The following FBXO42 variants were observed in gnomAD, a reference collection of about 807,000 sequenced individuals.
FBXO42 encodes F-box protein 42.
Under a neutral mutation model 71.7 loss-of-function variants are expected in FBXO42, and 12 were observed. The observed-to-expected ratio is 0.17, with a 90% CI of 0.11 to 0.27. The LOEUF (loss-of-function observed/expected upper bound fraction) is 0.27. FBXO42 is among the 10% of genes least tolerant of loss of function. The pLI is 1.00. For synonymous variants in FBXO42, 325 were observed against 327.5 expected, an observed-to-expected ratio of 0.99 and a Z score of 0.08; for missense variants, 707 against 911.9, an observed-to-expected ratio of 0.78 and a Z score of 2.89.
intron 4 of FBXO42, among the ~76,000 whole-genome samples, chr1:16,276,677 T>C (rs566735403): frequency 6.6e-6 from 1 of 152,230 alleles, no homozygotes; most frequent in Non-Finnish European, 1.5e-5. Context: ...TAAGGCATCA[T>C]ATGAAATGAA....
chr1:16,319,689 G>C (rs2082396842), intron 1 of FBXO42, among the ~76,000 whole-genome samples: 3 of 152,078 alleles, frequency 2.0e-5, no homozygotes, highest in African/African-American at 7.2e-5. Flanking sequence ...TAGGCAGGCG[G>C]ATCACGAGCT....
At chr1:16,331,127 T>C (rs61769855) in intron 1 of FBXO42, among the ~76,000 whole-genome samples, 39,496 of 150,434 alleles carry the variant, frequency 0.26, 5,886 homozygotes, top group Non-Finnish European at 0.34. Context: ...TCAAAAATAA[T>C]AATAGGCTGG....
chr1:16,282,112 T>G (rs2081970192), intron 4 of FBXO42, among the ~76,000 whole-genome samples: 1 of 152,050 alleles, frequency 6.6e-6, no homozygotes, highest in Admixed American at 6.6e-5. Context: ...TAATTTACTG[T>G]AATAACACTG....
chr1:16,303,528 G>A (rs1460413124), intron 3 of FBXO42, among the ~76,000 whole-genome samples: 2 of 152,002 alleles, frequency 1.3e-5, no homozygotes, highest in African/African-American at 2.4e-5. Context: ...ATGGTCTTTA[G>A]TCCAGGTTCA....
intron 1 of FBXO42, among the ~76,000 whole-genome samples, chr1:16,346,289 A>G (rs960183918): frequency 6.6e-6 from 1 of 152,186 alleles, no homozygotes; most frequent in African/African-American, 2.4e-5. Context: ...AAAACAACTG[A>G]AAGTATCCTA....
intron 4 of FBXO42, among the ~76,000 whole-genome samples, chr1:16,263,622 C>A (rs1272427162): frequency 6.6e-6 from 1 of 151,138 alleles, no homozygotes; most frequent in African/African-American, 2.4e-5. Flanking sequence ...TCTTGTGAGG[C>A]TGAGGCAGGA....
chr1:16,337,524 C>A (rs191855074), intron 1 of FBXO42, among the ~76,000 whole-genome samples: 2 of 152,108 alleles, frequency 1.3e-5, no homozygotes, highest in Non-Finnish European at 1.5e-5. Flanking sequence ...CATAGGACTC[C>A]ATTTATTCTT....
At chr1:16,325,491 C>T (rs1222995759) in intron 1 of FBXO42, among the ~76,000 whole-genome samples, 1 of 152,014 alleles carries the variant, frequency 6.6e-6, no homozygotes, top group Non-Finnish European at 1.5e-5. Flanking sequence ...ATTCAGGAAG[C>T]TATTTTATAA....
chr1:16,334,852 C>G (rs1416538699), intron 1 of FBXO42, among the ~76,000 whole-genome samples: 1 of 151,988 alleles, frequency 6.6e-6, no homozygotes, highest in Non-Finnish European at 1.5e-5. Flanking sequence ...TTCTTAAACA[C>G]TGAAATTCCT....
At chr1:16,267,253 AT>A (rs1459838913) in intron 4 of FBXO42, among the ~76,000 whole-genome samples, 1 of 152,206 alleles carries the variant, frequency 6.6e-6, no homozygotes, top group Non-Finnish European at 1.5e-5. Flanking sequence ...AAGTCATTGC[AT>A]TTATATAAAT....
chr1:16,322,410 T>C (rs1416465542), intron 1 of FBXO42, among the ~76,000 whole-genome samples: 1 of 152,122 alleles, frequency 6.6e-6, no homozygotes, highest in Non-Finnish European at 1.5e-5. Context: ...ACCCCGTCTC[T>C]ACTAAAAATA....
intron 4 of FBXO42, among the ~76,000 whole-genome samples, chr1:16,258,316 G>A (rs999571491): frequency 2.6e-5 from 4 of 152,030 alleles, no homozygotes; most frequent in Non-Finnish European, 5.9e-5. Context: ...TACAGGGTGA[G>A]CATCTAAGAA....
chr1:16,249,725 C>A lies in FBXO42; in HGVS notation c.*945G>T, dbSNP rs571337320. ...AAGCAGCTTCTGATTTCTGTAGGCA[C>A]CTGAGCTTTGTAAAAGAAACAGAAA... On this transcript the variant is annotated 3_prime_UTR_variant, in exon 10 of 10. Coordinates refer to ENST00000375592, the MANE Select transcript of FBXO42 (RefSeq NM_018994.3). The A allele has an allele frequency of 6.6e-6, 1 of 151,650 alleles. No individual in the cohort carries two copies. Among genetic ancestry groups the A allele is most frequent in the Non-Finnish European group, 1.5e-5 (1 of 67,982 alleles). The allele number at this position is 151,650 out of a possible 1,614,324, so 9.4% of individuals were successfully genotyped here.
intron 1 of FBXO42, among the ~76,000 whole-genome samples, chr1:16,344,879 A>G (rs1434097863): frequency 6.6e-6 from 1 of 151,962 alleles, no homozygotes; most frequent in East Asian, 1.9e-4. Context: ...TGAGTGGATC[A>G]TCTGAGGTCA....
At chr1:16,298,510 G>A (rs1019155403) in intron 3 of FBXO42, among the ~76,000 whole-genome samples, 4 of 151,922 alleles carry the variant, frequency 2.6e-5, no homozygotes, top group Admixed American at 6.6e-5. Context: ...TGTCCTATGA[G>A]TTATTTATTT....
intron 1 of FBXO42, among the ~76,000 whole-genome samples, chr1:16,334,639 C>T (rs1197683893): frequency 6.6e-6 from 1 of 152,108 alleles, no homozygotes; most frequent in Admixed American, 6.6e-5. Context: ...CTGACACACA[C>T]TTAACAGAAT....
At chr1:16,308,151 A>ATT (rs201927676) in intron 2 of FBXO42, among the ~76,000 whole-genome samples, 1 of 151,526 alleles carries the variant, frequency 6.6e-6, no homozygotes, top group Admixed American at 6.6e-5. Context: ...CAGTCCATTC[A>ATT]TTTTTTTTTA....
At chr1:16,333,434 A>AG (rs1431908094) in intron 1 of FBXO42, among the ~76,000 whole-genome samples, 1 of 85,028 alleles carries the variant, frequency 1.2e-5, no homozygotes, top group African/African-American at 3.8e-5. Flanking sequence ...GCAAATAGTG[A>AG]GACCCCCCCC....
chr1:16,345,847 C>CAAAA lies in FBXO42; in HGVS notation c.-18+6404_-18+6407dup, dbSNP rs34529034. Among the ~76,000 whole-genome samples, 3 of 117,428 alleles carry CAAAA rather than the reference C, an allele frequency of 2.6e-5. No homozygotes were observed. The South Asian group carries it at 8.4e-4, about 33-fold the overall frequency. The allele number at this position is 117,428 out of a possible 152,430, so 77.0% of individuals were successfully genotyped here. On this transcript the variant is annotated intron_variant, in intron 1 of 9. Transcript: ENST00000375592. Reference sequence around the variant, plus strand: ...TGGGCGACAGAGCGAGACTCCGTCTCAAAAAAAAAAAAAAAAAAGACACCA... The same window carrying CAAAA: ...TGGGCGACAGAGCGAGACTCCGTCTCAAAAAAAAAAAAAAAAAAAAAAGACACCA...
Sources: allele counts gnomAD v4.1 joint callset (sites outside exome capture counted in the v4.1 genomes callset), GRCh38; gene constraint gnomAD v4.1.1; transcripts MANE v1.5; gene names NCBI Gene and HGNC (gene_info 2026-07-23, HGNC 2026-07-21).